Variants in ADAM9 observed in about 807,000 individuals in gnomAD.
ADAM9 encodes the protein disintegrin and metalloproteinase domain-containing protein 9.
ADAM9 carries 54 observed loss-of-function variants against 108.1 expected under a neutral mutation model. The observed-to-expected ratio is 0.50, with a 90% confidence interval of 0.40 to 0.63. ADAM9 has a LOEUF of 0.63. ADAM9 is among the 20% of genes least tolerant of loss of function. ADAM9 has a pLI of 0.00. For synonymous variants in ADAM9, 316 were observed against 336.0 expected (o/e 0.94, Z 0.65); for missense variants, 830 against 997.7 (o/e 0.83, Z 2.26).
At chr8:39,044,677 T>C (rs1335944207) in intron 12 of ADAM9, among the ~76,000 whole-genome samples, 1 of 152,154 alleles carries the variant, frequency 6.6e-6, no homozygotes, top group East Asian at 1.9e-4. Context: ...TCCATCTTTA[T>C]GTCCATGTGC....
rs759986093 is a variant in ADAM9, at chr8:39,055,729, G to T, written c.1548G>T (p.Met516Ile). Residue 516 changes from methionine to isoleucine, a missense_variant, in exon 14 of 22, where the codon ATG becomes ATT. This residue lies in a region of ADAM9 where 381 missense variants were observed against 539.8 expected (regional missense o/e 0.71). Coordinates refer to ENST00000487273, the MANE Select transcript of ADAM9 (RefSeq NM_003816.3). ...QNNKAYCYNG[M>I]CQYYDAQCQV... is the part of the protein sequence containing the mutation. The stretch of plus-strand genomic sequence containing the variant: ...ACAAAGCCTATTGCTACAACGGCAT[G>T]TGCCAGTATTATGATGCTCAATGTC... 1 of 1,613,632 alleles carries T rather than the reference G, an allele frequency of 6.2e-7. No homozygotes were observed. The highest frequency in any genetic ancestry group is 2.2e-5 in the East Asian group (1 of 44,862).
intron 15 of ADAM9, among the ~76,000 whole-genome samples, chr8:39,074,971 A>T (rs1206214073): frequency 2.2e-5 from 3 of 136,262 alleles, no homozygotes; most frequent in African/African-American, 8.5e-5. Context: ...CAGTGGCATG[A>T]TCTCAGCTCA....
chr8:39,053,225 A>G (rs138128738), intron 12 of ADAM9, among the ~76,000 whole-genome samples: 308 of 152,294 alleles, frequency 2.0e-3, no homozygotes, highest in Non-Finnish European at 3.5e-3. Context: ...TATTCTGTAT[A>G]CAAGTTCTCT....
chr8:39,063,532 GC>G (rs1269236752), intron 14 of ADAM9, among the ~76,000 whole-genome samples: 1 of 152,154 alleles, frequency 6.6e-6, no homozygotes, highest in Non-Finnish European at 1.5e-5. Flanking sequence ...GACCAGCCTG[GC>G]CAACATGGCG....
intron 21 of ADAM9, among the ~76,000 whole-genome samples, chr8:39,102,457 C>T (rs1306705572): frequency 6.6e-6 from 1 of 152,132 alleles, no homozygotes; most frequent in Non-Finnish European, 1.5e-5. Flanking sequence ...TTTCTACAAA[C>T]TCACAGGGCA....
chr8:39,077,160 T>G (rs2129441881), intron 15 of ADAM9, 68 bp from the exon 16 acceptor site: 1 of 1,534,088 alleles, frequency 6.5e-7, no homozygotes, highest in East Asian at 2.3e-5. Context: ...TATGCAAATA[T>G]ATAAATTTTT....
intron 1 of ADAM9, among the ~76,000 whole-genome samples, chr8:39,002,312 CTTTTTT>C (rs35517175): frequency 1.1e-4 from 8 of 71,482 alleles, no homozygotes; most frequent in Admixed American, 6.0e-4. Flanking sequence ...AGGTAGAATT[CTTTTTT>C]TTTTTTTTTT....
chr8:39,014,286 A>G (rs1564238043), intron 4 of ADAM9: 1 of 567,478 alleles, frequency 1.8e-6, no homozygotes, highest in East Asian at 2.8e-5. Context: ...TAAATCTTCT[A>G]TTTAATGGTA....
chr8:39,016,064 A>T (rs1181064165), intron 4 of ADAM9, 54 bp from the exon 5 acceptor site: 1 of 1,521,438 alleles, frequency 6.6e-7, no homozygotes, highest in Non-Finnish European at 9.1e-7. Flanking sequence ...AATTTCTGTG[A>T]TGATTTTCAG....
chr8:39,077,628 A>G (rs935930317), intron 16 of ADAM9, among the ~76,000 whole-genome samples: 5 of 152,212 alleles, frequency 3.3e-5, no homozygotes, highest in African/African-American at 1.2e-4. Context: ...CCACTTTGCA[A>G]TATACTGTGC....
At chr8:39,022,093 T>A (rs955538380) in intron 8 of ADAM9, among the ~76,000 whole-genome samples, 3 of 150,390 alleles carry the variant, frequency 2.0e-5, no homozygotes, top group African/African-American at 7.5e-5. Context: ...TGTGTGTGTG[T>A]GTGTGAGAGA....
chr8:39,025,135 G>A (rs1039984437), intron 9 of ADAM9, among the ~76,000 whole-genome samples: 1 of 152,038 alleles, frequency 6.6e-6, no homozygotes, highest in Non-Finnish European at 1.5e-5. Context: ...CTATCACCCA[G>A]GCTGGAGTGC....
intron 20 of ADAM9, among the ~76,000 whole-genome samples, chr8:39,099,616 A>G (rs145253796): frequency 1.3e-5 from 2 of 152,190 alleles, no homozygotes; most frequent in African/African-American, 4.8e-5. Flanking sequence ...AGATCTTTGC[A>G]TACATTTAAA....
chr8:39,077,095 T>G, intron 15 of ADAM9, 133 bp from the exon 16 acceptor site: 1 of 987,894 alleles, frequency 1.0e-6, no homozygotes, highest in South Asian at 1.4e-5. Flanking sequence ...TGACCTCTCT[T>G]GCTCTCATAC....
At chr8:39,088,141 A>T (rs1041662090) in intron 18 of ADAM9, among the ~76,000 whole-genome samples, 2 of 152,204 alleles carry the variant, frequency 1.3e-5, no homozygotes, top group African/African-American at 4.8e-5. Flanking sequence ...GGTTGGTCTC[A>T]GGGGTGGCAG....
In ADAM9 at chr8:39,023,740, G is replaced by GTTT. The variant is rs869059346; in HGVS notation, c.914+436_914+438dup. On this transcript the variant is annotated intron_variant, in intron 9 of 21. Transcript: ENST00000487273. Reference sequence around the variant, plus strand: ...CATGCTTTGAGTTTCTTTTGCGTTTGTTTTTTTTTTTTTTTTTTTTTTTGG... The same window carrying GTTT: ...CATGCTTTGAGTTTCTTTTGCGTTTGTTTTTTTTTTTTTTTTTTTTTTTTTTGG... Among the ~76,000 whole-genome samples the GTTT allele has an allele frequency of 5.8e-3, 454 of 78,810 alleles. 7 individuals are homozygous for GTTT. Among genetic ancestry groups the GTTT allele is most frequent in the Middle Eastern group, 0.013 (1 of 78 alleles). 51.7% of individuals were successfully genotyped at this position (78,810 alleles called of 152,430 possible).
intron 11 of ADAM9, among the ~76,000 whole-genome samples, chr8:39,028,253 A>G (rs1018693181): frequency 2.0e-5 from 3 of 152,200 alleles, no homozygotes. Context: ...TTTCAATCAC[A>G]TGCTAGTATA....
At chr8:39,069,165 T>G (rs558290528) in intron 14 of ADAM9, among the ~76,000 whole-genome samples, 8 of 152,304 alleles carry the variant, frequency 5.3e-5, no homozygotes, top group African/African-American at 1.4e-4. Flanking sequence ...ATTGAGTCAT[T>G]TATTACTTCA....
intron 11 of ADAM9, among the ~76,000 whole-genome samples, chr8:39,039,211 G>A (rs940843796): frequency 1.3e-5 from 2 of 152,048 alleles, no homozygotes; most frequent in Admixed American, 1.3e-4. Context: ...TGCTACTTCT[G>A]GTACCATTGC....
Sources: gnomAD v4.1 joint callset for allele counts (sites outside exome capture counted in the v4.1 genomes callset) on GRCh38, gnomAD v4.1.1 for gene constraint, gnomAD v4.1.1 regional missense constraint, MANE v1.5 for transcripts, NCBI Gene and HGNC (gene_info 2026-07-23, HGNC 2026-07-21) for gene names.